The following DCAF7 variants were observed in gnomAD, a reference collection of about 807,000 sequenced individuals.
The protein encoded by DCAF7 is DDB1 and CUL4 associated factor 7.
A neutral mutation model predicts 41.2 loss-of-function variants in DCAF7; 4 were observed. The observed-to-expected ratio is 0.10, with a 90% CI of 0.05 to 0.22. DCAF7 has a LOEUF of 0.22. Ranked by LOEUF, DCAF7 falls within the 10% of genes least tolerant of loss-of-function variation. The pLI is 1.00. For synonymous variants in DCAF7, 143 were observed against 164.2 expected (o/e 0.87, Z 0.99); for missense variants, 131 against 443.2 (o/e 0.30, Z 6.32).
At position 63,592,357 on chromosome 17, in the gene DCAF7, A is replaced by C. The variant is rs950900748; in HGVS notation, c.*3185A>C. ...GAGGTGGAGCTTGCAGTGAGCCAAG[A>C]TCGTGCCACTGCACTCCAGCCTGGG... On this transcript the variant is annotated 3_prime_UTR_variant, in exon 7 of 7. Coordinates refer to ENST00000614556, the MANE Select transcript of DCAF7 (RefSeq NM_005828.5). The C allele has an allele frequency of 6.6e-6, 1 of 152,070 alleles. No homozygotes were observed. Among genetic ancestry groups the C allele is most frequent in the Admixed American group, 6.6e-5 (1 of 15,254 alleles). 9.4% of individuals were successfully genotyped at this position (152,070 alleles called of 1,614,324 possible).
rs2033731349 is a variant in DCAF7, at chr17:63,591,330, A to C, written c.*2158A>C. On this transcript the variant is annotated 3_prime_UTR_variant, in exon 7 of 7. Transcript: ENST00000614556. The stretch of plus-strand genomic sequence containing the variant: ...CCTGGTCTGTATGGTGGAATTTGTC[A>C]GCTGGAACTCAGAAACAACAACTTG... 1 of 152,194 alleles carries C rather than the reference A, an allele frequency of 6.6e-6. No individual in the cohort carries two copies. Among genetic ancestry groups the C allele is most frequent in the Non-Finnish European group, 1.5e-5 (1 of 68,052 alleles). 9.4% of individuals were successfully genotyped at this position (152,194 alleles called of 1,614,324 possible). A position where few individuals can be genotyped will look rare whatever the true frequency, so the allele number is the denominator to read the frequency against.
At position 63,579,271 on chromosome 17, in the gene DCAF7, A is replaced by AT. The variant is rs978828444; in HGVS notation, c.298-60dup. ...TTGCTAAGATATTTTCTAAACAGGG[A>AT]TTTTTTAAAAGACTTTTTATGAGGA... On this transcript the variant is annotated intron_variant, in intron 2 of 6. Transcript: ENST00000614556. 9.1e-5 allele frequency: 102 copies of AT among 1,114,768 alleles called. No individual in the cohort carries two copies. The Middle Eastern group carries it at 1.5e-3, about 17-fold the overall frequency. The allele number at this position is 1,114,768 out of a possible 1,614,324, so 69.1% of individuals were successfully genotyped here. A position where few individuals can be genotyped will look rare whatever the true frequency, so the allele number is the denominator to read the frequency against.
intron 1 of DCAF7, among the ~76,000 whole-genome samples, chr17:63,563,017 G>C (rs149211470): frequency 1.3e-5 from 2 of 151,830 alleles, no homozygotes; most frequent in Non-Finnish European, 2.9e-5. Flanking sequence ...GTAGAGATGG[G>C]ATCTCGCCAT....
intron 1 of DCAF7, among the ~76,000 whole-genome samples, chr17:63,566,302 C>T (rs569235762): frequency 9.9e-5 from 15 of 150,982 alleles, no homozygotes; most frequent in African/African-American, 3.6e-4. Flanking sequence ...ACCTGGGAGG[C>T]GGAACTTAGA....
chr17:63,592,171 G>C lies in DCAF7; in HGVS notation c.*2999G>C, dbSNP rs2033740411. On this transcript the variant is annotated 3_prime_UTR_variant, in exon 7 of 7. Transcript: ENST00000614556. ...TAATCCCAGCATTTTGGGAGGCTGA[G>C]GTGGCCAGATCCCAAGGTCAGAAGA... The C allele has an allele frequency of 6.6e-6, 1 of 152,234 alleles. No individual in the cohort carries two copies. Among genetic ancestry groups the C allele is most frequent in the Admixed American group, 6.5e-5 (1 of 15,272 alleles). The allele number at this position is 152,234 out of a possible 1,614,324, so 9.4% of individuals were successfully genotyped here.
At chr17:63,580,088 G>A in intron 4 of DCAF7, 145 bp downstream of exon 4, 2 of 683,912 alleles carry the variant, frequency 2.9e-6, no homozygotes, top group South Asian at 3.3e-5. Context: ...CAATAGTAAT[G>A]TATCAAAAAC....
intron 1 of DCAF7, among the ~76,000 whole-genome samples, chr17:63,556,000 G>GT (rs748008173): frequency 3.9e-5 from 6 of 152,184 alleles, no homozygotes; most frequent in Non-Finnish European, 8.8e-5. Flanking sequence ...TCATCTTAAA[G>GT]TTTAATAGGG....
intron 1 of DCAF7, among the ~76,000 whole-genome samples, chr17:63,570,377 C>A (rs1022777365): frequency 1.3e-5 from 2 of 151,886 alleles, no homozygotes; most frequent in Non-Finnish European, 2.9e-5. Flanking sequence ...TCGCTTGAAC[C>A]TGGGAAGCGG....
intron 1 of DCAF7, among the ~76,000 whole-genome samples, chr17:63,563,364 A>G (rs1026698249): frequency 2.6e-5 from 4 of 152,218 alleles, no homozygotes; most frequent in Admixed American, 2.6e-4. Flanking sequence ...GTATGGAGAA[A>G]TGAACACCTT....
At position 63,579,934 on chromosome 17, in the gene DCAF7, T is replaced by C. The variant is rs1355373484; in HGVS notation, c.519T>C (p.His173=). ...SGHVKTQLIA[H]DKEVYDIAFS... is the part of the protein sequence containing the mutation. ...ACGTGAAGACCCAGCTGATCGCCCA[T>C]GACAAAGAGGTAAGATGCTTTTCCA... The change falls in exon 4 of 7, where the codon CAT becomes CAC. Residue 173 remains histidine (H), a synonymous_variant. Transcript: ENST00000614556. The C allele has an allele frequency of 6.2e-7, 1 of 1,613,440 alleles. No individual in the cohort carries two copies. The highest frequency in any genetic ancestry group is 1.3e-5 in the African/African-American group (1 of 74,944).
chr17:63,580,625 TCTC>T (rs1227735252), intron 4 of DCAF7, among the ~76,000 whole-genome samples: 1 of 149,360 alleles, frequency 6.7e-6, no homozygotes, highest in Non-Finnish European at 1.5e-5. Context: ...TTCAAGCAAT[TCTC>T]CTGCCTCAGC....
rs182630799 is a variant in DCAF7 at position 63,584,828 on chromosome 17, G to A, written c.739-383G>A. Among the ~76,000 whole-genome samples, 239 of 152,300 alleles carry A rather than the reference G, an allele frequency of 1.6e-3. 1 individual carries two copies. Among genetic ancestry groups the A allele is most frequent in the African/African-American group, 5.2e-3 (214 of 41,550 alleles). The stretch of plus-strand genomic sequence containing the variant: ...TTGATTAAAGAGGTGAATTGTGGGT[G>A]GGGAGAATGCATTGGTTGTCCTTGG... On this transcript the variant is annotated intron_variant, in intron 5 of 6. Coordinates refer to ENST00000614556, the MANE Select transcript of DCAF7 (RefSeq NM_005828.5).
At chr17:63,579,481 G>T in intron 3 of DCAF7, 33 bp downstream of exon 3, 1 of 1,510,832 alleles carries the variant, frequency 6.6e-7, no homozygotes, top group South Asian at 1.2e-5. Flanking sequence ...ATTTCAGCTG[G>T]AAGAAGCCAA....
chr17:63,589,522 C>T lies in DCAF7; in HGVS notation c.*350C>T. The T allele has an allele frequency of 3.0e-6, 1 of 337,454 alleles. No homozygotes were observed. Among genetic ancestry groups the T allele is most frequent in the Non-Finnish European group, 5.8e-6 (1 of 172,946 alleles). The allele number at this position is 337,454 out of a possible 1,614,324, so 20.9% of individuals were successfully genotyped here. ...TGTGTCTATTCCTCTGCCCAGGTGT[C>T]TCTGTTTGCTGCCCAAGGCAGCAGT... On this transcript the variant is annotated 3_prime_UTR_variant, in exon 7 of 7. Coordinates refer to ENST00000614556, the MANE Select transcript of DCAF7 (RefSeq NM_005828.5).
In DCAF7 at chr17:63,591,963, G is replaced by A. The variant is rs1249534499; in HGVS notation, c.*2791G>A. 6.6e-6 allele frequency: 1 copy of A among 152,312 alleles called. No individual in the cohort carries two copies. The highest frequency in any genetic ancestry group is 2.4e-5 in the African/African-American group (1 of 41,470). The allele number at this position is 152,312 out of a possible 1,614,324, so 9.4% of individuals were successfully genotyped here. On this transcript the variant is annotated 3_prime_UTR_variant, in exon 7 of 7. Transcript: ENST00000614556. Reference sequence around the variant, plus strand: ...AGGATGGAGGTGCTGAATAAATTAGGCCTCAGGCCTCTACCACCAGAGAGC... The same window carrying A: ...AGGATGGAGGTGCTGAATAAATTAGACCTCAGGCCTCTACCACCAGAGAGC...
At chr17:63,566,831 C>T (rs1430194273) in intron 1 of DCAF7, among the ~76,000 whole-genome samples, 2 of 152,154 alleles carry the variant, frequency 1.3e-5, no homozygotes, top group East Asian at 3.9e-4. Context: ...GGAGGATCGC[C>T]TGAGCCTGGG....
Position 63,556,990 on chromosome 17 carries a change from T to G in DCAF7, c.138+6175T>G, listed in dbSNP as rs2147758381. Among the ~76,000 whole-genome samples, 3 of 152,224 alleles carry G rather than the reference T, an allele frequency of 2.0e-5. 1 individual carries two copies. The highest frequency in any genetic ancestry group is 2.0e-4 in the Admixed American group (3 of 15,290). On this transcript the variant is annotated intron_variant, in intron 1 of 6. Coordinates refer to ENST00000614556, the MANE Select transcript of DCAF7 (RefSeq NM_005828.5). ...CTGCAGTGAGCCAAGATCTTGCCAC[T>G]GAACTCCCGCTGGGGTGACAGAGCG...
At chr17:63,552,511 A>C (rs1057366255) in intron 1 of DCAF7, 4 of 152,354 alleles carry the variant, frequency 2.6e-5, no homozygotes, top group African/African-American at 9.6e-5. Flanking sequence ...CCCATAGTGG[A>C]CAGCAGAACT....
At chr17:63,584,968 C>T (rs1388539835) in intron 5 of DCAF7, among the ~76,000 whole-genome samples, 1 of 152,122 alleles carries the variant, frequency 6.6e-6, no homozygotes, top group African/African-American at 2.4e-5. Context: ...ACCCAGACTC[C>T]TGTTGTCTGT....
Sources: gnomAD v4.1 joint callset for allele counts (sites outside exome capture counted in the v4.1 genomes callset) on GRCh38, gnomAD v4.1.1 for gene constraint, MANE v1.5 for transcripts, NCBI Gene and HGNC (gene_info 2026-07-23, HGNC 2026-07-21) for gene names.